ITGAM: variants seen among roughly 807,000 people sequenced by gnomAD.
ITGAM encodes the protein integrin subunit alpha M.
ITGAM carries 79 observed loss-of-function variants against 137.5 expected under a neutral mutation model. That is an observed-to-expected ratio of 0.57 (90% confidence interval 0.48 to 0.69). ITGAM has a LOEUF of 0.69. Among genes scored for constraint, ITGAM ranks in the 30% least tolerant of loss-of-function variants. The pLI, the probability that ITGAM is intolerant of heterozygous loss-of-function variation, is 0.00. For synonymous variants in ITGAM, 583 were observed against 592.3 expected, an observed-to-expected ratio of 0.98 and a Z score of 0.23; for missense variants, 1,343 against 1,483.5, an observed-to-expected ratio of 0.91 and a Z score of 1.56.
chr16:31,303,275 C>T (rs923619849), intron 14 of ITGAM, among the ~76,000 whole-genome samples: 1 of 151,998 alleles, frequency 6.6e-6, no homozygotes, highest in Non-Finnish European at 1.5e-5. Context: ...CATCCTCCTG[C>T]CTTGGCCTCT....
At position 31,321,309 on chromosome 16, in the gene ITGAM, C is replaced by A; in HGVS notation, c.1776C>A (p.Asp592Glu). Residue 592 changes from aspartate (D) to glutamate (E), a missense_variant, in exon 15 of 30, where the codon GAC becomes GAA. Coordinates refer to ENST00000544665, the MANE Select transcript of ITGAM (RefSeq NM_000632.4). ...GTCAGTCACTGAGTGGGGGCCAGGA[C>A]CTCACAATGGATGGACTGGTAGACC... is the stretch of plus-strand genomic sequence containing the variant. ...YFGQSLSGGQ[D>E]LTMDGLVDLT... 2 of 1,614,040 alleles carry A rather than the reference C, an allele frequency of 1.2e-6. No homozygotes were observed. The highest frequency in any genetic ancestry group is 1.7e-6 in the Non-Finnish European group (2 of 1,179,908).
chr16:31,314,656 G>A (rs1391033018), intron 14 of ITGAM, among the ~76,000 whole-genome samples: 1 of 152,090 alleles, frequency 6.6e-6, no homozygotes, highest in African/African-American at 2.4e-5. Flanking sequence ...TTTGAAGTCA[G>A]GTAGTGTGAT....
rs1158279802 is a variant in ITGAM at position 31,277,057 on chromosome 16, G to A, written c.1213+8G>A. The A allele has an allele frequency of 2.5e-6, 4 of 1,605,072 alleles. No homozygotes were observed. The highest frequency in any genetic ancestry group is 3.4e-6 in the Non-Finnish European group (4 of 1,175,162). On this transcript the variant is annotated splice_region_variant and intron_variant, in intron 11 of 29. Transcript: ENST00000544665. ...TGAATGATGCTTACTTGGGTAAGTG[G>A]GGAGGGCAAGGGTTACTCTAAGAAG...
chr16:31,302,604 G>A (rs895040067), intron 14 of ITGAM, among the ~76,000 whole-genome samples: 4 of 150,934 alleles, frequency 2.7e-5, no homozygotes, highest in African/African-American at 9.7e-5. Flanking sequence ...GAGTGAGCTC[G>A]GCTCACTGCA....
intron 12 of ITGAM, among the ~76,000 whole-genome samples, chr16:31,286,390 G>T (rs2080029924): frequency 6.6e-6 from 1 of 152,080 alleles, no homozygotes; most frequent in Non-Finnish European, 1.5e-5. Context: ...CTGAATAGTA[G>T]CCCTGTTTTA....
intron 23 of ITGAM, 186 bp from the exon 24 acceptor site, chr16:31,329,042 G>T: frequency 1.5e-6 from 1 of 652,386 alleles, no homozygotes; most frequent in Non-Finnish European, 2.8e-6. Flanking sequence ...GGCCCAAATG[G>T]GCACGCACTG....
chr16:31,295,267 A>T (rs1225564996), intron 12 of ITGAM, among the ~76,000 whole-genome samples: 3 of 152,056 alleles, frequency 2.0e-5, no homozygotes, highest in Admixed American at 6.6e-5. Flanking sequence ...AAAAAATGCC[A>T]TTGGGATTTT....
intron 22 of ITGAM, 79 bp downstream of exon 22, chr16:31,327,014 T>C (rs757337305): frequency 1.9e-4 from 195 of 1,038,986 alleles, no homozygotes; most frequent in Non-Finnish European, 2.7e-4. Context: ...GCCTTTGCCC[T>C]TTGCCCACTG....
In ITGAM at chr16:31,326,870, C is replaced by T. The variant is rs1234218124; in HGVS notation, c.2643C>T (p.Ile881=). 2 of 1,611,778 alleles carry T rather than the reference C, an allele frequency of 1.2e-6. No homozygotes were observed. Among genetic ancestry groups the T allele is most frequent in the East Asian group, 4.5e-5 (2 of 44,872 alleles). The change falls in exon 22 of 30, where the codon ATC becomes ATT. Residue 881 remains isoleucine, a synonymous_variant. Transcript: ENST00000544665. ...TCTCACTCCAGGTCACCTTTAATAT[C>T]ACGTTTGATGTAGACTCTAAGGCTT... is the stretch of plus-strand genomic sequence containing the variant. ...FPENSEVTFN[I]TFDVDSKASL... is the part of the protein sequence containing the mutation.
rs2080529731 is a variant in ITGAM, at chr16:31,328,273, T to C, written c.2792+43T>C. On this transcript the variant is annotated intron_variant, in intron 23 of 29. Transcript: ENST00000544665. ...TTTAGCTGAGCCTCCACTTCTGGGC[T>C]GGACATGGCTGATTGTGCATCTGTG... 9 of 1,434,246 alleles carry C rather than the reference T, an allele frequency of 6.3e-6. No homozygotes were observed. The East Asian group carries it at 2.0e-4, about 33-fold the overall frequency. 88.8% of individuals were successfully genotyped at this position (1,434,246 alleles called of 1,614,324 possible).
intron 14 of ITGAM, among the ~76,000 whole-genome samples, chr16:31,310,990 A>G (rs1286917217): frequency 6.6e-6 from 1 of 152,180 alleles, no homozygotes; most frequent in Non-Finnish European, 1.5e-5. Flanking sequence ...CATATCTACA[A>G]CTATCTGATC....
chr16:31,276,771 G>T, intron 10 of ITGAM, 27 bp downstream of exon 10: 1 of 1,591,690 alleles, frequency 6.3e-7, no homozygotes, highest in East Asian at 2.3e-5. Context: ...TAAATTGCGG[G>T]GGTGGGGCAG....
At chr16:31,308,701 A>G (rs1441989028) in intron 14 of ITGAM, among the ~76,000 whole-genome samples, 4 of 152,188 alleles carry the variant, frequency 2.6e-5, no homozygotes, top group Admixed American at 2.6e-4. Flanking sequence ...TAGCTTTTGA[A>G]TGTGTTTGCT....
intron 3 of ITGAM, 75 bp from the exon 4 acceptor site, chr16:31,265,736 T>C (rs544390444): frequency 4.2e-5 from 55 of 1,297,294 alleles, no homozygotes; most frequent in Admixed American, 1.2e-4. Flanking sequence ...CGCATGGAGG[T>C]GACCCCTGCC....
At chr16:31,321,417 A>G in intron 15 of ITGAM, 46 bp downstream of exon 15, 5 of 1,613,694 alleles carry the variant, frequency 3.1e-6, no homozygotes, top group Non-Finnish European at 4.2e-6. Context: ...CCTTGAAGGA[A>G]TGTTTCCTGT....
chr16:31,264,520 T>C (rs906882755), intron 2 of ITGAM, among the ~76,000 whole-genome samples: 2 of 152,072 alleles, frequency 1.3e-5, no homozygotes, highest in African/African-American at 4.8e-5. Flanking sequence ...GGCTCATGCC[T>C]GTAATTCTAA....
At position 31,321,578 on chromosome 16, in the gene ITGAM, CAG is replaced by C. The variant is rs1189023517; in HGVS notation, c.1956_1957del (p.Arg652SerfsTer25). 6.2e-7 allele frequency: 1 copy of C among 1,613,960 alleles called. No individual in the cohort carries two copies. Among genetic ancestry groups the C allele is most frequent in the Non-Finnish European group, 8.5e-7 (1 of 1,179,880 alleles). On this transcript the variant is annotated frameshift_variant, in exon 16 of 30. Coordinates refer to ENST00000544665, the MANE Select transcript of ITGAM (RefSeq NM_000632.4). LOFTEE classifies it high-confidence loss of function. ...VVKGKEAGEVRVCLHVQKSTR... is the reference protein window; with the variant it reads ...VVKGKEAGEVXVCLHVQKSTR... The stretch of plus-strand genomic sequence containing the variant: ...TGAAAGGCAAGGAAGCCGGAGAGGT[CAG>C]AGTCTGCCTCCATGTCCAGAAGAGC...
In ITGAM at chr16:31,289,434, G is replaced by A. The variant is rs563785715; in HGVS notation, c.1357-8080G>A. Among the ~76,000 whole-genome samples the A allele has an allele frequency of 3.9e-4, 59 of 152,234 alleles. No homozygotes were observed. The South Asian group carries it at 5.4e-3, about 14-fold the overall frequency. On this transcript the variant is annotated intron_variant, in intron 12 of 29. Coordinates refer to ENST00000544665, the MANE Select transcript of ITGAM (RefSeq NM_000632.4). Reference sequence around the variant, plus strand: ...GGAATACTATGCAGCCATAAAAAAGGATGAGTTCATGTCTTTTGTAGGGAC... The same window carrying A: ...GGAATACTATGCAGCCATAAAAAAGAATGAGTTCATGTCTTTTGTAGGGAC...
At chr16:31,277,923 A>G (rs1480845860) in intron 11 of ITGAM, 44 bp from the exon 12 acceptor site, 3 of 1,545,872 alleles carry the variant, frequency 1.9e-6, no homozygotes, top group Non-Finnish European at 2.6e-6. Flanking sequence ...ATGGTGGAGG[A>G]GGGGGCAGGG....
Sources: allele counts gnomAD v4.1 joint callset (sites outside exome capture counted in the v4.1 genomes callset), GRCh38; gene constraint gnomAD v4.1.1; transcripts MANE v1.5; gene names NCBI Gene and HGNC (gene_info 2026-07-23, HGNC 2026-07-21).